ZNF385D: variants seen among roughly 807,000 people sequenced by gnomAD.
ZNF385D encodes the protein zinc finger protein 385D, also known as zinc finger protein 659.
A neutral mutation model predicts 35.8 loss-of-function variants in ZNF385D; 15 were observed. That is an observed-to-expected ratio of 0.42 (90% confidence interval 0.28 to 0.64). ZNF385D has a LOEUF of 0.64. Ranked by LOEUF, ZNF385D falls within the 30% of genes least tolerant of loss-of-function variation. The probability of loss-of-function intolerance (pLI) is 0.23; values close to 1 mark genes in which losing one functional copy is unlikely to be tolerated. For missense variants in ZNF385D, 474 were observed against 494.6 expected (o/e 0.96, Z 0.39); for synonymous variants, 212 against 186.8 (o/e 1.13, Z -1.10).
intron 3 of ZNF385D, among the ~76,000 whole-genome samples, chr3:22,097,966 T>A (rs1423115626): frequency 1.3e-5 from 2 of 152,010 alleles, no homozygotes; most frequent in African/African-American, 2.4e-5. Context: ...ATCATACTAA[T>A]GTTAACCAAT....
At chr3:22,160,488 C>A (rs1354139851) in intron 3 of ZNF385D, among the ~76,000 whole-genome samples, 2 of 151,992 alleles carry the variant, frequency 1.3e-5, no homozygotes, top group Non-Finnish European at 2.9e-5. Context: ...CATTAACTAT[C>A]AATGTTGCAG....
At position 22,188,047 on chromosome 3, in the gene ZNF385D, C is replaced by T. The variant is rs117068620; in HGVS notation, c.107-19012G>A. Among the ~76,000 whole-genome samples the T allele has an allele frequency of 1.1e-3, 175 of 152,250 alleles. 2 individuals are homozygous for T. The East Asian group carries it at 0.026, about 23-fold the overall frequency. ...GCTGCAGTCAATAACCTAAACTTCA[C>T]CTTTCAATACCAGAAATGGAGTGTA... On this transcript the variant is annotated intron_variant, in intron 2 of 5. Transcript: ENST00000494108.
chr3:21,971,177 C>T (rs1332543212), intron 3 of ZNF385D, among the ~76,000 whole-genome samples: 1 of 151,948 alleles, frequency 6.6e-6, no homozygotes, highest in Non-Finnish European at 1.5e-5. Flanking sequence ...AATATTATAA[C>T]AAACACTGTA....
At chr3:21,760,647 A>G (rs1157518299) in intron 3 of ZNF385D, among the ~76,000 whole-genome samples, 2 of 152,222 alleles carry the variant, frequency 1.3e-5, no homozygotes, top group East Asian at 1.9e-4. Flanking sequence ...ACTTTTCTTT[A>G]TATTATTTTC....
intron 2 of ZNF385D, among the ~76,000 whole-genome samples, chr3:22,261,166 C>T (rs1290472593): frequency 6.6e-6 from 1 of 151,840 alleles, no homozygotes; most frequent in Admixed American, 6.6e-5. Flanking sequence ...CTTATAGCCT[C>T]TCAAATTTGT....
intron 3 of ZNF385D, among the ~76,000 whole-genome samples, chr3:22,135,344 AC>A (rs1704041936): frequency 6.8e-6 from 1 of 147,788 alleles, no homozygotes; most frequent in Non-Finnish European, 1.5e-5. Flanking sequence ...ACCCCAACAT[AC>A]ACACATAACT....
chr3:21,556,067 TG>T (rs371166410), intron 3 of ZNF385D, among the ~76,000 whole-genome samples: 122 of 127,036 alleles, frequency 9.6e-4, no homozygotes, highest in South Asian at 6.8e-3. Context: ...TTTTTGTTTT[TG>T]TTTTTTTTTT....
intron 3 of ZNF385D, among the ~76,000 whole-genome samples, chr3:21,831,615 C>G (rs1247068309): frequency 6.6e-6 from 1 of 152,134 alleles, no homozygotes; most frequent in African/African-American, 2.4e-5. Context: ...TTAAATCACC[C>G]CTACTACATC....
intron 3 of ZNF385D, among the ~76,000 whole-genome samples, chr3:21,841,056 A>G (rs1695640857): frequency 6.6e-6 from 1 of 152,018 alleles, no homozygotes; most frequent in African/African-American, 2.4e-5. Context: ...ACAGATGGTA[A>G]GAGACTGTTA....
intron 3 of ZNF385D, among the ~76,000 whole-genome samples, chr3:22,133,127 C>T (rs905320543): frequency 7.2e-5 from 11 of 152,076 alleles, no homozygotes; most frequent in African/African-American, 1.9e-4. Context: ...GCTAGTTTTA[C>T]AAGAATAATC....
chr3:21,755,896 G>A (rs555151747), upstream of ZNF385D, among the ~76,000 whole-genome samples: 4 of 152,308 alleles, frequency 2.6e-5, no homozygotes, highest in African/African-American at 7.2e-5. Context: ...TACACCTTAT[G>A]AGTGCCAGGA....
At chr3:22,018,784 C>A (rs1487768074) in intron 3 of ZNF385D, among the ~76,000 whole-genome samples, 1 of 151,838 alleles carries the variant, frequency 6.6e-6, no homozygotes, top group East Asian at 1.9e-4. Flanking sequence ...GTGAAAGTAA[C>A]CCTACAAAGT....
intron 3 of ZNF385D, among the ~76,000 whole-genome samples, chr3:21,819,578 A>G (rs2073301998): frequency 6.7e-6 from 1 of 148,996 alleles, no homozygotes; most frequent in Non-Finnish European, 1.5e-5. Flanking sequence ...AATTATATGT[A>G]CACATATGTG....
rs553867456 is a variant in ZNF385D at position 22,112,236 on chromosome 3, C to G, written c.325+56581G>C. Among the ~76,000 whole-genome samples the G allele has an allele frequency of 9.2e-5, 14 of 152,106 alleles. No homozygotes were observed. The South Asian group carries it at 1.5e-3, about 16-fold the overall frequency. ...ATTAGCTTTAGCTGCGTATTTAAAC[C>G]TCTCCTTTTTGCATGGATTATAATG... On this transcript the variant is annotated intron_variant, in intron 3 of 5. Coordinates refer to the ZNF385D transcript ENST00000494108.
chr3:22,196,955 T>C (rs78793072), intron 2 of ZNF385D, among the ~76,000 whole-genome samples: 2,322 of 152,110 alleles, frequency 0.015, 51 homozygotes, highest in African/African-American at 0.053. Flanking sequence ...TTACTTTTAT[T>C]TTTGAAGGAT....
chr3:22,135,045 G>C (rs1015824860), intron 3 of ZNF385D, among the ~76,000 whole-genome samples: 1 of 152,058 alleles, frequency 6.6e-6, no homozygotes, highest in Non-Finnish European at 1.5e-5. Flanking sequence ...AATCATAGTA[G>C]AACTCTTAAC....
At chr3:22,350,666 A>G (rs1294163300) in intron 2 of ZNF385D, among the ~76,000 whole-genome samples, 1 of 152,040 alleles carries the variant, frequency 6.6e-6, no homozygotes, top group Non-Finnish European at 1.5e-5. Context: ...ACAATACTCC[A>G]AAAGATAATG....
intron 2 of ZNF385D, among the ~76,000 whole-genome samples, chr3:22,191,856 A>G (rs1477792486): frequency 2.6e-5 from 4 of 152,198 alleles, no homozygotes; most frequent in African/African-American, 7.2e-5. Context: ...AGGAGAATGT[A>G]TCAATATTTT....
chr3:22,022,654 T>G (rs1697294932), intron 3 of ZNF385D, among the ~76,000 whole-genome samples: 2 of 151,988 alleles, frequency 1.3e-5, no homozygotes, highest in Admixed American at 1.3e-4. Context: ...CAGAAAAGAG[T>G]CATATATGTC....
Sources: gnomAD v4.1 joint callset for allele counts (sites outside exome capture counted in the v4.1 genomes callset) on GRCh38, gnomAD v4.1.1 for gene constraint, MANE v1.5 for transcripts, NCBI Gene and HGNC (gene_info 2026-07-23, HGNC 2026-07-21) for gene names.